TDRD5: variants seen among roughly 807,000 people sequenced by gnomAD.
TDRD5 encodes the protein tudor domain containing 5, also known as tudor domain-containing protein 5.
Under a neutral mutation model 120.6 loss-of-function variants are expected in TDRD5, and 41 were observed. The ratio of observed to expected loss-of-function variants is 0.34; its 90% confidence interval spans 0.26 to 0.44. The LOEUF (loss-of-function observed/expected upper bound fraction) is 0.44. Ranked by LOEUF, TDRD5 falls within the 20% of genes least tolerant of loss-of-function variation. The probability of loss-of-function intolerance (pLI) is 1.00; values close to 1 mark genes in which losing one functional copy is unlikely to be tolerated. For missense variants in TDRD5, 1,006 were observed against 1,221.2 expected, an observed-to-expected ratio of 0.82 and a Z score of 2.63; for synonymous variants, 430 against 433.7, an observed-to-expected ratio of 0.99 and a Z score of 0.11.
At chr1:179,614,754 TA>T (rs1676476111) in intron 4 of TDRD5, among the ~76,000 whole-genome samples, 1 of 152,020 alleles carries the variant, frequency 6.6e-6, no homozygotes, top group Non-Finnish European at 1.5e-5. Context: ...AGGGGGGGTT[TA>T]AAAATATTTT....
At chr1:179,596,402 T>C (rs977979868) in intron 4 of TDRD5, among the ~76,000 whole-genome samples, 1 of 152,192 alleles carries the variant, frequency 6.6e-6, no homozygotes, top group Admixed American at 6.5e-5. Flanking sequence ...TTTTGATTAA[T>C]ATATAATTAT....
intron 4 of TDRD5, among the ~76,000 whole-genome samples, chr1:179,612,052 C>G (rs1676308337): frequency 6.6e-6 from 1 of 152,116 alleles, no homozygotes; most frequent in Admixed American, 6.5e-5. Context: ...TAGGTGTTCC[C>G]TCAAAACTCT....
chr1:179,621,211 G>T, intron 6 of TDRD5, 120 bp downstream of exon 6: 1 of 794,584 alleles, frequency 1.3e-6, no homozygotes, highest in South Asian at 2.7e-5. Context: ...GAAACATTTT[G>T]TTTTGCATTT....
intron 17 of TDRD5, among the ~76,000 whole-genome samples, chr1:179,689,979 A>C (rs1357935148): frequency 6.6e-6 from 1 of 152,166 alleles, no homozygotes; most frequent in Non-Finnish European, 1.5e-5. Flanking sequence ...AGGAAAGGGA[A>C]TTCCCCGACC....
At chr1:179,651,709 C>T (rs997637112) in intron 12 of TDRD5, among the ~76,000 whole-genome samples, 58 of 152,150 alleles carry the variant, frequency 3.8e-4, no homozygotes, top group African/African-American at 1.3e-3. Flanking sequence ...GTCAGGAGAT[C>T]GAGACCATCC....
In TDRD5 at chr1:179,690,941, TGAGG is replaced by T. The variant is rs547164748; in HGVS notation, c.*11_*14del. ...CCCCAGTGTGAAAAGGATGGAAGCA[TGAGG>T]GAGGGAGGGAGGAGGGAGAAAAACA... On this transcript the variant is annotated stop_retained_variant and 3_prime_UTR_variant, in exon 18 of 18. Transcript: ENST00000444136. The T allele has an allele frequency of 1.7e-5, 28 of 1,608,136 alleles. No individual in the cohort carries two copies. The highest frequency in any genetic ancestry group is 5.4e-5 in the African/African-American group (4 of 74,704).
chr1:179,663,948 G>A (rs980028560), intron 16 of TDRD5, among the ~76,000 whole-genome samples: 1 of 152,086 alleles, frequency 6.6e-6, no homozygotes, highest in Admixed American at 6.6e-5. Flanking sequence ...AGTAATCCTG[G>A]CATAGAATCT....
chr1:179,680,632 T>A (rs1015894454), intron 17 of TDRD5, among the ~76,000 whole-genome samples: 1 of 152,238 alleles, frequency 6.6e-6, no homozygotes, highest in Non-Finnish European at 1.5e-5. Flanking sequence ...ATTATTGCCA[T>A]CCTTTCACTT....
chr1:179,605,779 T>C (rs1675941870), intron 4 of TDRD5, among the ~76,000 whole-genome samples: 1 of 152,178 alleles, frequency 6.6e-6, no homozygotes, highest in Non-Finnish European at 1.5e-5. Flanking sequence ...TTCCTTTATG[T>C]CTTTTCATGG....
intron 7 of TDRD5, among the ~76,000 whole-genome samples, chr1:179,633,693 C>T (rs1256696157): frequency 6.6e-6 from 1 of 151,924 alleles, no homozygotes; most frequent in Non-Finnish European, 1.5e-5. Context: ...TTATCATACA[C>T]ATGTAAATTT....
At position 179,595,721 on chromosome 1, in the gene TDRD5, A is replaced by G. The variant is rs1675355431; in HGVS notation, c.734A>G (p.Asn245Ser). 6.2e-7 allele frequency: 1 copy of G among 1,613,740 alleles called. No individual in the cohort carries two copies. Among genetic ancestry groups the G allele is most frequent in the African/African-American group, 1.3e-5 (1 of 74,912 alleles). The change falls in exon 4 of 18, where the codon AAC becomes AGC. Residue 245 changes from asparagine (N) to serine (S), a missense_variant. Transcript: ENST00000444136. ...AKPCFSQPTS[N>S]MEPPKQIMSM... ...CCATGCTTTTCACAACCCACTTCAAACATGGAACCACCGAAGCAAATAATG... is the reference window on the plus strand; with the variant it reads ...CCATGCTTTTCACAACCCACTTCAAGCATGGAACCACCGAAGCAAATAATG...
At chr1:179,661,441 G>C (rs1039638633) in intron 14 of TDRD5, among the ~76,000 whole-genome samples, 1 of 151,424 alleles carries the variant, frequency 6.6e-6, no homozygotes. Context: ...ATCATTTCTA[G>C]GGATCTGTCT....
chr1:179,679,480 A>G (rs1221743829), intron 17 of TDRD5, among the ~76,000 whole-genome samples: 1 of 152,230 alleles, frequency 6.6e-6, no homozygotes, highest in East Asian at 1.9e-4. Context: ...GTAGAATTCA[A>G]TAATGAGGAC....
intron 4 of TDRD5, among the ~76,000 whole-genome samples, chr1:179,596,030 A>T (rs1018446771): frequency 6.6e-6 from 1 of 152,132 alleles, no homozygotes; most frequent in Non-Finnish European, 1.5e-5. Context: ...CACAGTTTCC[A>T]CTATTTTCTG....
intron 11 of TDRD5, among the ~76,000 whole-genome samples, chr1:179,643,724 C>G (rs1678183145): frequency 6.6e-6 from 1 of 151,958 alleles, no homozygotes; most frequent in Non-Finnish European, 1.5e-5. Context: ...ATCGGGTACC[C>G]CAACAGGTAT....
At chr1:179,620,600 G>A (rs1209772194) in intron 5 of TDRD5, among the ~76,000 whole-genome samples, 2 of 152,032 alleles carry the variant, frequency 1.3e-5, no homozygotes, top group African/African-American at 2.4e-5. Context: ...TTTGATGTAC[G>A]TATGGACAAT....
At position 179,592,963 on chromosome 1, in the gene TDRD5, G is replaced by C. The variant is rs1055160912; in HGVS notation, c.232+116G>C. On this transcript the variant is annotated intron_variant, in intron 2 of 17. Coordinates refer to ENST00000444136, the MANE Select transcript of TDRD5 (RefSeq NM_001199085.3). Reference sequence around the variant, plus strand: ...CCCAGCCAGTGGATTTTAATTTGGTGGGGGAGGGAGACTCATAGGTGCTTT... The same window carrying C: ...CCCAGCCAGTGGATTTTAATTTGGTCGGGGAGGGAGACTCATAGGTGCTTT... The C allele has an allele frequency of 1.9e-5, 21 of 1,083,042 alleles. No homozygotes were observed. In the East Asian group the frequency reaches 4.2e-4, roughly 21 times the overall value. The allele number at this position is 1,083,042 out of a possible 1,614,324, so 67.1% of individuals were successfully genotyped here. A position where few individuals can be genotyped will look rare whatever the true frequency, so the allele number is the denominator to read the frequency against.
intron 9 of TDRD5, among the ~76,000 whole-genome samples, chr1:179,636,810 A>G (rs951693730): frequency 3.3e-5 from 5 of 152,218 alleles, no homozygotes; most frequent in African/African-American, 1.2e-4. Context: ...GATTTTTGTC[A>G]TTGACAACAT....
At chr1:179,654,893 TG>T (rs1226697888) in intron 14 of TDRD5, among the ~76,000 whole-genome samples, 1 of 152,228 alleles carries the variant, frequency 6.6e-6, no homozygotes, top group Non-Finnish European at 1.5e-5. Context: ...TCCTGTGACT[TG>T]GGGTGGTCTT....
Sources: allele counts gnomAD v4.1 joint callset (sites outside exome capture counted in the v4.1 genomes callset), GRCh38; gene constraint gnomAD v4.1.1; transcripts MANE v1.5; gene names NCBI Gene and HGNC (gene_info 2026-07-23, HGNC 2026-07-21).